Variants in MSL2 observed in about 807,000 individuals in gnomAD.
MSL2 encodes MSL complex subunit 2, also known as E3 ubiquitin-protein ligase MSL2.
MSL2 carries 2 observed loss-of-function variants against 35.8 expected under a neutral mutation model. That is an observed-to-expected ratio of 0.06 (90% CI 0.02 to 0.18). The LOEUF is 0.18. MSL2 is among the 10% of genes least tolerant of loss of function. The probability of loss-of-function intolerance (pLI) is 1.00; values close to 1 mark genes in which losing one functional copy is unlikely to be tolerated. For missense variants in MSL2, 523 were observed against 706.7 expected (o/e 0.74, Z 2.95); for synonymous variants, 296 against 255.7 (o/e 1.16, Z -1.50).
rs1164227943 is a variant in MSL2 at position 136,152,850 on chromosome 3, A to G, written c.143-112T>C. On this transcript the variant is annotated intron_variant, in intron 1 of 1. Coordinates refer to ENST00000309993, the MANE Select transcript of MSL2 (RefSeq NM_018133.4). ...ATCAAAATTGAGATGAATTAAACTC[A>G]CTAGACCAGATAACAGAAAATATAT... is the stretch of plus-strand genomic sequence containing the variant. 2.0e-6 allele frequency: 3 copies of G among 1,463,776 alleles called. No homozygotes were observed. The African/African-American group carries it at 4.3e-5, about 21-fold the overall frequency. The allele number at this position is 1,463,776 out of a possible 1,614,324, so 90.7% of individuals were successfully genotyped here.
Position 136,152,061 on chromosome 3 carries a change from G to A in MSL2, c.820C>T (p.Leu274Phe). The change falls in exon 2 of 2, where the codon CTC (leucine) becomes TTC (phenylalanine). Residue 274 changes from leucine to phenylalanine, a missense_variant. By Grantham distance (22) the Leu-to-Phe change is conservative. Coordinates refer to ENST00000309993, the MANE Select transcript of MSL2 (RefSeq NM_018133.4). Reference sequence around the variant, plus strand: ...TTTGAAACAGTTTCTAAGCTGCGGAGTACTTCCTCAACACTCAGTAACAGA... The same window carrying A: ...TTTGAAACAGTTTCTAAGCTGCGGAATACTTCCTCAACACTCAGTAACAGA... ...DSLLLSVEEV[L>F]RSLETVSNTE... 2.5e-6 allele frequency: 4 copies of A among 1,614,174 alleles called. No homozygotes were observed. Among genetic ancestry groups the A allele is most frequent in the Non-Finnish European group, 2.5e-6 (3 of 1,180,030 alleles).
At chr3:136,174,093 T>G (rs1940102590) in intron 1 of MSL2, among the ~76,000 whole-genome samples, 1 of 152,218 alleles carries the variant, frequency 6.6e-6, no homozygotes, top group African/African-American at 2.4e-5. Context: ...TTACAGCACT[T>G]AATCACATTA....
rs531204762 is a variant in MSL2, at chr3:136,195,341, TGA to T, written c.-230_-229del. On this transcript the variant is annotated 5_prime_UTR_variant, in exon 1 of 2. Coordinates refer to ENST00000309993, the MANE Select transcript of MSL2 (RefSeq NM_018133.4). ...CCCTGAGACTTCCAGACCAAAAATA[TGA>T]GAGAGAAACCAGCGTTCGAGTTCGT... 104 of 1,320,030 alleles carry T rather than the reference TGA, an allele frequency of 7.9e-5. No individual in the cohort carries two copies. The highest frequency in any genetic ancestry group is 2.8e-4 in the South Asian group (15 of 53,810). The allele number at this position is 1,320,030 out of a possible 1,614,324, so 81.8% of individuals were successfully genotyped here.
chr3:136,155,131 C>A (rs1190101338), intron 1 of MSL2, among the ~76,000 whole-genome samples: 1 of 151,924 alleles, frequency 6.6e-6, no homozygotes, highest in Non-Finnish European at 1.5e-5. Flanking sequence ...ATCGCTTGAA[C>A]CCGGGAGGCA....
At chr3:136,153,353 G>C (rs1213583191) in intron 1 of MSL2, among the ~76,000 whole-genome samples, 3 of 152,200 alleles carry the variant, frequency 2.0e-5, no homozygotes, top group Non-Finnish European at 2.9e-5. Flanking sequence ...ATATGAGTAA[G>C]AGAGATTTAG....
At chr3:136,168,356 T>G (rs1369634221) in intron 1 of MSL2, among the ~76,000 whole-genome samples, 2 of 152,176 alleles carry the variant, frequency 1.3e-5, no homozygotes, top group African/African-American at 4.8e-5. Context: ...CACAAACCAG[T>G]TATCTTAAAA....
At position 136,180,795 on chromosome 3, in the gene MSL2, AGGGAGGGAG is replaced by A. The variant is rs1559969245; in HGVS notation, c.142+14168_142+14176del. On this transcript the variant is annotated intron_variant, in intron 1 of 1. Coordinates refer to ENST00000309993, the MANE Select transcript of MSL2 (RefSeq NM_018133.4). ...GAGGGAGGGAGGGAGGGAGGGAGGG[AGGGAGGGAG>A]GGAGGGAAGGAGGGAAGGAAGGAAG... Among the ~76,000 whole-genome samples, 318 of 62,698 alleles carry A rather than the reference AGGGAGGGAG, an allele frequency of 5.1e-3. 8 individuals carry two copies. Among genetic ancestry groups the A allele is most frequent in the East Asian group, 0.011 (21 of 1,880 alleles). 41.1% of individuals were successfully genotyped at this position (62,698 alleles called of 152,430 possible).
intron 1 of MSL2, among the ~76,000 whole-genome samples, chr3:136,192,245 T>A (rs746386621): frequency 2.0e-5 from 3 of 152,216 alleles, no homozygotes; most frequent in Non-Finnish European, 4.4e-5. Context: ...CGATCTCGGC[T>A]CACTGCAACC....
Position 136,153,302 on chromosome 3 carries a change from A to G in MSL2, c.143-564T>C, listed in dbSNP as rs559878373. ...TGGCAATGCTACAACATGCTGAACA[A>G]AATCATATTGATTATTTTTTGCTGG... On this transcript the variant is annotated intron_variant, in intron 1 of 1. Transcript: ENST00000309993. 7.3e-4 allele frequency among the ~76,000 whole-genome samples: 111 copies of G among 152,314 alleles called. 1 individual carries two copies. Among genetic ancestry groups the G allele is most frequent in the Non-Finnish European group, 1.2e-3 (80 of 68,038 alleles).
intron 1 of MSL2, among the ~76,000 whole-genome samples, chr3:136,193,501 A>C (rs1940748725): frequency 6.6e-6 from 1 of 152,046 alleles, no homozygotes; most frequent in South Asian, 2.1e-4. Context: ...CCAAAGGAAA[A>C]GAAAAAAAAA....
intron 1 of MSL2, among the ~76,000 whole-genome samples, chr3:136,163,076 G>T (rs1162207340): frequency 6.6e-6 from 1 of 151,574 alleles, no homozygotes; most frequent in Non-Finnish European, 1.5e-5. Context: ...TGGTGAACAT[G>T]GTGAAACCCC....
At chr3:136,188,758 A>T (rs1403157342) in intron 1 of MSL2, among the ~76,000 whole-genome samples, 2 of 147,830 alleles carry the variant, frequency 1.4e-5, no homozygotes, top group Non-Finnish European at 3.0e-5. Context: ...TATCCACTAC[A>T]CCACTTCTCT....
intron 1 of MSL2, among the ~76,000 whole-genome samples, chr3:136,159,343 G>C (rs897037709): frequency 6.8e-6 from 1 of 147,952 alleles, no homozygotes; most frequent in Non-Finnish European, 1.5e-5. Context: ...ATGGGGAAAG[G>C]AGAGTACTTT....
At position 136,195,818 on chromosome 3, in the gene MSL2, C is replaced by A; in HGVS notation, c.-705G>T. On this transcript the variant is annotated 5_prime_UTR_variant, in exon 1 of 2. Coordinates refer to ENST00000309993, the MANE Select transcript of MSL2 (RefSeq NM_018133.4). ...TGGCGAGGCGGGCGGGAGTCCTCAA[C>A]CCGGAGGGGAAGGCCGGGGAGGAAG... The A allele has an allele frequency of 1.0e-6, 1 of 984,958 alleles. No individual in the cohort carries two copies. Among genetic ancestry groups the A allele is most frequent in the Non-Finnish European group, 1.2e-6 (1 of 829,784 alleles). 61.0% of individuals were successfully genotyped at this position (984,958 alleles called of 1,614,324 possible).
At chr3:136,184,409 T>G (rs1390517458) in intron 1 of MSL2, among the ~76,000 whole-genome samples, 1 of 151,788 alleles carries the variant, frequency 6.6e-6, no homozygotes, top group Non-Finnish European at 1.5e-5. Flanking sequence ...AAGACCAGCC[T>G]GGCCAACATG....
intron 1 of MSL2, among the ~76,000 whole-genome samples, chr3:136,183,432 T>G (rs947121719): frequency 5.4e-5 from 8 of 147,776 alleles, no homozygotes; most frequent in African/African-American, 1.3e-4. Flanking sequence ...TGTTTTTTGG[T>G]TTTTTTTTGA....
At chr3:136,183,846 G>T (rs1940435736) in intron 1 of MSL2, among the ~76,000 whole-genome samples, 2 of 152,236 alleles carry the variant, frequency 1.3e-5, no homozygotes. Context: ...AGAAAATAAT[G>T]AACAATACTA....
chr3:136,175,627 C>T (rs1438328095), intron 1 of MSL2, among the ~76,000 whole-genome samples: 2 of 152,012 alleles, frequency 1.3e-5, no homozygotes, highest in African/African-American at 2.4e-5. Flanking sequence ...TTCGAGGCTG[C>T]AAGTGAGCCA....
At chr3:136,191,787 T>A (rs531021767) in intron 1 of MSL2, among the ~76,000 whole-genome samples, 6 of 152,286 alleles carry the variant, frequency 3.9e-5, no homozygotes, top group Admixed American at 6.5e-5. Flanking sequence ...AAAAGTTTTT[T>A]CAAACCGCTT....
Sources: allele counts gnomAD v4.1 joint callset (sites outside exome capture counted in the v4.1 genomes callset), GRCh38; gene constraint gnomAD v4.1.1; transcripts MANE v1.5; gene names NCBI Gene and HGNC (gene_info 2026-07-23, HGNC 2026-07-21).